CUBN: variants seen among roughly 807,000 people sequenced by gnomAD.
The protein encoded by CUBN is cubilin.
Under a neutral mutation model 405.3 loss-of-function variants are expected in CUBN, and 282 were observed. That is an observed-to-expected ratio of 0.70 (90% confidence interval 0.63 to 0.77). The LOEUF is 0.77. CUBN is among the 30% of genes least tolerant of loss of function. The pLI is 0.00. For synonymous variants in CUBN, 1,684 were observed against 1,617.0 expected, an observed-to-expected ratio of 1.04 and a Z score of -0.99; for missense variants, 4,514 against 4,475.2, an observed-to-expected ratio of 1.01 and a Z score of -0.25.
chr10:17,069,725 G>A (rs1012946078), intron 19 of CUBN, among the ~76,000 whole-genome samples: 22 of 151,938 alleles, frequency 1.4e-4, no homozygotes, highest in African/African-American at 5.3e-4. Context: ...AAAATTTTTT[G>A]TAGAGATGGG....
chr10:16,915,887 A>G lies in CUBN; in HGVS notation c.7144T>C (p.Phe2382Leu). Residue 2382 changes from phenylalanine to leucine, a missense_variant, in exon 46 of 67, where the codon TTT (phenylalanine) becomes CTT (leucine). Coordinates refer to ENST00000377833, the MANE Select transcript of CUBN (RefSeq NM_001081.4). The part of the protein sequence containing the change: ...GHYLTISFED[F>L]NLQNSSGCEK... ...CAGCCAGAAGAATTCTGAAGGTTAAAGTCTTCAAAAGAGATGGTGAGATAG... is the reference window on the plus strand; with the variant it reads ...CAGCCAGAAGAATTCTGAAGGTTAAGGTCTTCAAAAGAGATGGTGAGATAG... 5 of 1,614,206 alleles carry G rather than the reference A, an allele frequency of 3.1e-6. No individual in the cohort carries two copies. The highest frequency in any genetic ancestry group is 2.5e-6 in the Non-Finnish European group (3 of 1,180,034).
chr10:17,080,994 T>C (rs1487508455), intron 17 of CUBN, among the ~76,000 whole-genome samples: 1 of 152,122 alleles, frequency 6.6e-6, no homozygotes, highest in Non-Finnish European at 1.5e-5. Flanking sequence ...AGTAGAAACT[T>C]CACTTAAGAG....
intron 25 of CUBN, 33 bp from the exon 26 acceptor site, chr10:17,044,016 G>A (rs748067320): frequency 2.1e-5 from 33 of 1,584,248 alleles, no homozygotes; most frequent in Non-Finnish European, 2.7e-5. Context: ...TTAGATGGTT[G>A]AGACTATAAA....
intron 14 of CUBN, among the ~76,000 whole-genome samples, chr10:17,099,467 C>T (rs1338637794): frequency 6.6e-6 from 1 of 152,128 alleles, no homozygotes; most frequent in African/African-American, 2.4e-5. Flanking sequence ...AACTAAGACT[C>T]ATGTTTTTTA....
chr10:17,121,080 A>G (rs1293070288), intron 6 of CUBN, among the ~76,000 whole-genome samples: 1 of 152,216 alleles, frequency 6.6e-6, no homozygotes, highest in Non-Finnish European at 1.5e-5. Flanking sequence ...CAGGGAAAAA[A>G]GGCTTCATTT....
At chr10:17,012,745 T>C (rs1834218743) in intron 28 of CUBN, among the ~76,000 whole-genome samples, 1 of 152,206 alleles carries the variant, frequency 6.6e-6, no homozygotes. Flanking sequence ...ACTTTAAGAT[T>C]TGGCTGAGTG....
chr10:17,071,659 A>T, intron 18 of CUBN, 55 bp from the exon 19 acceptor site: 1 of 1,561,578 alleles, frequency 6.4e-7, no homozygotes. Context: ...ATTTTATCTC[A>T]ATTTTATTGC....
At chr10:16,996,718 C>T (rs1383128049) in intron 28 of CUBN, among the ~76,000 whole-genome samples, 4 of 152,188 alleles carry the variant, frequency 2.6e-5, no homozygotes, top group Admixed American at 2.0e-4. Flanking sequence ...TATTGCCCGG[C>T]GACTGCTCAA....
intron 36 of CUBN, among the ~76,000 whole-genome samples, chr10:16,940,556 T>C (rs950064926): frequency 2.0e-5 from 3 of 152,186 alleles, no homozygotes; most frequent in Non-Finnish European, 2.9e-5. Flanking sequence ...CGTTTAAGAA[T>C]TGCAAAGCAG....
At chr10:17,036,738 G>A (rs957691470) in intron 27 of CUBN, among the ~76,000 whole-genome samples, 13 of 152,178 alleles carry the variant, frequency 8.5e-5, no homozygotes, top group African/African-American at 3.1e-4. Flanking sequence ...TCAACATGAA[G>A]CAAAGAAAGA....
intron 58 of CUBN, 93 bp from the exon 59 acceptor site, chr10:16,869,946 A>T (rs562993801): frequency 3.5e-6 from 3 of 859,964 alleles, no homozygotes; most frequent in Non-Finnish European, 5.8e-6. Flanking sequence ...CAAGGAAAAA[A>T]CTACCAGTAG....
intron 14 of CUBN, among the ~76,000 whole-genome samples, chr10:17,089,573 T>TA (rs1195760443): frequency 1.3e-5 from 2 of 152,176 alleles, no homozygotes; most frequent in East Asian, 3.9e-4. Context: ...CTCAGAATGT[T>TA]AAAAATGCAG....
chr10:17,088,451 T>G, intron 14 of CUBN, 106 bp from the exon 15 acceptor site: 1 of 887,006 alleles, frequency 1.1e-6, no homozygotes, highest in South Asian at 1.5e-5. Context: ...TAAATAACTA[T>G]GAGCAGTTTT....
At chr10:16,933,387 C>T (rs945906164) in intron 39 of CUBN, 103 bp from the exon 40 acceptor site, 3 of 962,006 alleles carry the variant, frequency 3.1e-6, no homozygotes, top group Non-Finnish European at 4.8e-6. Context: ...AAAGAAGCAA[C>T]CAATTGAAAC....
At chr10:17,083,553 G>A (rs987887439) in intron 17 of CUBN, among the ~76,000 whole-genome samples, 3 of 31,036 alleles carry the variant, frequency 9.7e-5, no homozygotes, top group Admixed American at 3.3e-4. Flanking sequence ...ACATACTGCT[G>A]TAGTGCTATG....
At position 16,925,566 on chromosome 10, in the gene CUBN, G is replaced by T; in HGVS notation, c.6462+18C>A. 2 of 1,613,512 alleles carry T rather than the reference G, an allele frequency of 1.2e-6. No individual in the cohort carries two copies. Among genetic ancestry groups the T allele is most frequent in the Non-Finnish European group, 1.7e-6 (2 of 1,179,788 alleles). ...GTCTATGGAAAATGTAATTAGAAAG[G>T]GTAGCAGCAAGACCTACCACCAAGT... On this transcript the variant is annotated intron_variant, in intron 42 of 66. Transcript: ENST00000377833.
chr10:16,936,743 C>T (rs529737171), intron 39 of CUBN, among the ~76,000 whole-genome samples: 1 of 152,272 alleles, frequency 6.6e-6, no homozygotes, highest in East Asian at 1.9e-4. Context: ...AACGGAGTCT[C>T]ACTCTGTCGC....
At position 17,071,876 on chromosome 10, in the gene CUBN, T is replaced by C; in HGVS notation, c.2397A>G (p.Lys799=). The change falls in exon 18 of 67, where the codon AAA becomes AAG. Residue 799 remains lysine (K), a synonymous_variant. Coordinates refer to ENST00000377833, the MANE Select transcript of CUBN (RefSeq NM_001081.4). ...TAGCTTTTTCAACAGAAGCATCTAT[T>C]TTAAACCTGATCCAGACACTATTAG... ...SITNSVWIRF[K]IDASVEKASF... is the part of the protein sequence containing the mutation. 6.2e-7 allele frequency: 1 copy of C among 1,613,342 alleles called. No homozygotes were observed. The highest frequency in any genetic ancestry group is 2.2e-5 in the East Asian group (1 of 44,838).
In CUBN at chr10:16,883,814, C is replaced by T. The variant is rs564158278; in HGVS notation, c.8905+4603G>A. Among the ~76,000 whole-genome samples the T allele has an allele frequency of 6.6e-5, 10 of 152,242 alleles. No homozygotes were observed. In the South Asian group the frequency reaches 1.7e-3, roughly 25 times the overall value. ...TGGTGTTTCCACCTCACGAGCTAAG[C>T]GCTGCTGCACCCTCCAATGCTTGTC... On this transcript the variant is annotated intron_variant, in intron 56 of 66. Coordinates refer to ENST00000377833, the MANE Select transcript of CUBN (RefSeq NM_001081.4).
Sources: allele counts gnomAD v4.1 joint callset (sites outside exome capture counted in the v4.1 genomes callset), GRCh38; gene constraint gnomAD v4.1.1; transcripts MANE v1.5; gene names NCBI Gene and HGNC (gene_info 2026-07-23, HGNC 2026-07-21).